MAP3K20: variants seen among roughly 807,000 people sequenced by gnomAD.
MAP3K20 encodes mitogen-activated protein kinase kinase kinase 20, also known as HCCS-4.
Under a neutral mutation model 85.7 loss-of-function variants are expected in MAP3K20, and 40 were observed. That is an observed-to-expected ratio of 0.47 (90% CI 0.36 to 0.61). MAP3K20 has a LOEUF of 0.61. Ranked by LOEUF, MAP3K20 falls within the 20% of genes least tolerant of loss-of-function variation. The pLI is 0.00. For synonymous variants in MAP3K20, 325 were observed against 327.7 expected (o/e 0.99, Z 0.09); for missense variants, 817 against 961.7 (o/e 0.85, Z 1.99).
At chr2:173,249,899 CTTTAT>C (rs1212189186) in intron 16 of MAP3K20, among the ~76,000 whole-genome samples, 6 of 152,244 alleles carry the variant, frequency 3.9e-5, no homozygotes, top group Admixed American at 2.0e-4. Context: ...ATTTGTTTCA[CTTTAT>C]TTTAACATCA....
chr2:173,227,372 T>C (rs1394417840), intron 11 of MAP3K20, among the ~76,000 whole-genome samples: 1 of 152,170 alleles, frequency 6.6e-6, no homozygotes, highest in African/African-American at 2.4e-5. Flanking sequence ...CTACAGCAGA[T>C]ACACTGATAT....
rs570735776 is a variant in MAP3K20, at chr2:173,243,304, C to T, written c.1359+3808C>T. Among the ~76,000 whole-genome samples the T allele has an allele frequency of 2.5e-4, 38 of 152,228 alleles. No individual in the cohort carries two copies. In the South Asian group the frequency reaches 7.7e-3, roughly 31 times the overall value. ...TGAAGTCTTCTTGGTAGAAGTGTTG[C>T]TTAAGCTAAAATGTTAAAGCCACTA... On this transcript the variant is annotated intron_variant, in intron 16 of 19. Coordinates refer to ENST00000375213, the MANE Select transcript of MAP3K20 (RefSeq NM_016653.3).
At chr2:173,120,206 A>T (rs554265770) in intron 2 of MAP3K20, among the ~76,000 whole-genome samples, 9 of 152,010 alleles carry the variant, frequency 5.9e-5, no homozygotes, top group Admixed American at 1.3e-4. Flanking sequence ...TTCTATATAT[A>T]TTTTTTTCAC....
chr2:173,218,324 T>C (rs1245681113), intron 11 of MAP3K20, among the ~76,000 whole-genome samples: 9 of 152,222 alleles, frequency 5.9e-5, no homozygotes, highest in African/African-American at 1.9e-4. Flanking sequence ...GAAAATACCA[T>C]GAAGCTAAAT....
chr2:173,184,787 C>T (rs920864181), intron 4 of MAP3K20, among the ~76,000 whole-genome samples: 2 of 151,712 alleles, frequency 1.3e-5, no homozygotes, highest in Non-Finnish European at 2.9e-5. Context: ...GTGCACTACT[C>T]GCCTATAGTC....
At chr2:173,210,510 A>AG (rs763749555) in intron 10 of MAP3K20, 1 of 152,222 alleles carries the variant, frequency 6.6e-6, no homozygotes, top group African/African-American at 2.4e-5. Context: ...CTGCTAGTGA[A>AG]GGGGGATAGG....
chr2:173,144,462 C>CAAAAAAAAAAAAAAAA (rs71018537), intron 2 of MAP3K20, among the ~76,000 whole-genome samples: 6 of 92,878 alleles, frequency 6.5e-5, no homozygotes, highest in Non-Finnish European at 8.4e-5. Context: ...GACTCCGTCT[C>CAAAAAAAAAAAAAAAA]AAAAAAAAAA....
chr2:173,245,551 C>T (rs1684893410), intron 16 of MAP3K20, among the ~76,000 whole-genome samples: 1 of 152,238 alleles, frequency 6.6e-6, no homozygotes, highest in African/African-American at 2.4e-5. Context: ...AGACCAAAGG[C>T]TTCACTGGCA....
intron 16 of MAP3K20, among the ~76,000 whole-genome samples, chr2:173,249,048 A>C (rs1424483658): frequency 3.3e-5 from 5 of 152,158 alleles, no homozygotes. Flanking sequence ...TCTCATACTG[A>C]CCATAATGCA....
chr2:173,108,235 C>T lies in MAP3K20; in HGVS notation c.159+17045C>T, dbSNP rs371152493. ...GCAACTTCTGCCTCCCAGGTTCAAG[C>T]GATTCTCCTGCCTCAGCCTCCGGAG... On this transcript the variant is annotated intron_variant, in intron 2 of 19. Coordinates refer to ENST00000375213, the MANE Select transcript of MAP3K20 (RefSeq NM_016653.3). Among the ~76,000 whole-genome samples, 20 of 152,010 alleles carry T rather than the reference C, an allele frequency of 1.3e-4. 1 individual carries two copies. Among genetic ancestry groups the T allele is most frequent in the African/African-American group, 4.1e-4 (17 of 41,434 alleles).
intron 2 of MAP3K20, among the ~76,000 whole-genome samples, chr2:173,137,971 T>G (rs1688843761): frequency 6.6e-6 from 1 of 152,320 alleles, no homozygotes. Context: ...TTTGTGATTT[T>G]TTGTTCTTTT....
intron 2 of MAP3K20, among the ~76,000 whole-genome samples, chr2:173,116,299 C>T (rs887016097): frequency 1.3e-5 from 2 of 151,742 alleles, no homozygotes; most frequent in Non-Finnish European, 2.9e-5. Flanking sequence ...AAAATATACT[C>T]TCTTAGCAAT....
chr2:173,141,456 C>T (rs574726197), intron 2 of MAP3K20, among the ~76,000 whole-genome samples: 1 of 152,190 alleles, frequency 6.6e-6, no homozygotes, highest in African/African-American at 2.4e-5. Flanking sequence ...TGGGGCTTAA[C>T]AGCAGATTGA....
intron 2 of MAP3K20, among the ~76,000 whole-genome samples, chr2:173,138,326 A>G (rs1351603094): frequency 6.6e-6 from 1 of 152,186 alleles, no homozygotes; most frequent in Admixed American, 6.5e-5. Flanking sequence ...ATTATGAAAT[A>G]TGCACTTTTT....
At chr2:173,081,415 A>G (rs1250249397) in intron 1 of MAP3K20, among the ~76,000 whole-genome samples, 1 of 152,184 alleles carries the variant, frequency 6.6e-6, no homozygotes, top group Non-Finnish European at 1.5e-5. Flanking sequence ...AATACCACGT[A>G]TGGGAATAAG....
intron 10 of MAP3K20, among the ~76,000 whole-genome samples, chr2:173,216,510 G>GT (rs35988775): frequency 0.14 from 20,668 of 148,990 alleles, 1,513 homozygotes; most frequent in Middle Eastern, 0.2. Context: ...GTTCTGGTGT[G>GT]TTTTTTTTTT....
chr2:173,140,242 C>T (rs1688930272), intron 2 of MAP3K20, among the ~76,000 whole-genome samples: 1 of 152,130 alleles, frequency 6.6e-6, no homozygotes, highest in Non-Finnish European at 1.5e-5. Flanking sequence ...AAACTCATGA[C>T]CTCGTGATCC....
chr2:173,105,613 T>C (rs796816438), intron 2 of MAP3K20, among the ~76,000 whole-genome samples: 11 of 152,284 alleles, frequency 7.2e-5, no homozygotes, highest in African/African-American at 2.6e-4. Context: ...TGCTACAATA[T>C]TGATGAATCT....
At chr2:173,176,440 T>C (rs1428971555) in intron 3 of MAP3K20, among the ~76,000 whole-genome samples, 1 of 152,144 alleles carries the variant, frequency 6.6e-6, no homozygotes, top group Non-Finnish European at 1.5e-5. Context: ...TGGAGTTATA[T>C]TGGAGAAAAT....
Sources: gnomAD v4.1 joint callset for allele counts (sites outside exome capture counted in the v4.1 genomes callset) on GRCh38, gnomAD v4.1.1 for gene constraint, MANE v1.5 for transcripts, NCBI Gene and HGNC (gene_info 2026-07-23, HGNC 2026-07-21) for gene names.